The following FSTL4 variants were observed in gnomAD, a reference collection of about 807,000 sequenced individuals.
FSTL4 encodes follistatin-related protein 4.
FSTL4 carries 28 observed loss-of-function variants against 78.2 expected under a neutral mutation model. The ratio of observed to expected loss-of-function variants is 0.36; its 90% CI spans 0.27 to 0.49. The LOEUF (loss-of-function observed/expected upper bound fraction) is 0.49, where lower values mean the gene tolerates loss of function less well. Among genes scored for constraint, FSTL4 ranks in the 20% least tolerant of loss-of-function variants. The pLI is 0.98. For missense variants in FSTL4, 922 were observed against 1,084.9 expected, an observed-to-expected ratio of 0.85 and a Z score of 2.11; for synonymous variants, 422 against 440.5, an observed-to-expected ratio of 0.96 and a Z score of 0.53.
intron 3 of FSTL4, among the ~76,000 whole-genome samples, chr5:133,514,205 T>A (rs1165669717): frequency 6.8e-6 from 1 of 146,660 alleles, no homozygotes; most frequent in Admixed American, 6.9e-5. Flanking sequence ...ATAATAATAA[T>A]AATAATAATA....
At chr5:133,762,480 T>C in the FSTL4 span, among the ~76,000 whole-genome samples, 1 of 152,214 alleles carries the variant, frequency 6.6e-6, no homozygotes, top group African/African-American at 2.4e-5. Context: ...GAGAGGATCC[T>C]TAGAAACTAA....
At chr5:133,239,038 G>C (rs1034532332) in intron 7 of FSTL4, among the ~76,000 whole-genome samples, 1 of 152,216 alleles carries the variant, frequency 6.6e-6, no homozygotes, top group East Asian at 1.9e-4. Flanking sequence ...GTGGGCCAGC[G>C]TGAGTTTCGG....
the FSTL4 span, among the ~76,000 whole-genome samples, chr5:133,704,143 G>A: frequency 6.6e-5 from 10 of 152,192 alleles, no homozygotes; most frequent in Non-Finnish European, 1.3e-4. Context: ...ACTGGTAGCA[G>A]AGGGCCCTCT....
At chr5:133,624,780 G>T in the FSTL4 span, among the ~76,000 whole-genome samples, 1 of 150,712 alleles carries the variant, frequency 6.6e-6, no homozygotes, top group African/African-American at 2.4e-5. Context: ...AGCTATTCTT[G>T]GTCTTTTATC....
chr5:133,331,984 T>A (rs1350504060), intron 4 of FSTL4, among the ~76,000 whole-genome samples: 1 of 151,774 alleles, frequency 6.6e-6, no homozygotes, highest in Non-Finnish European at 1.5e-5. Context: ...AACGTGTGGG[T>A]TTTTCAACCT....
chr5:133,784,239 C>G, the FSTL4 span, among the ~76,000 whole-genome samples: 1 of 151,938 alleles, frequency 6.6e-6, no homozygotes, highest in African/African-American at 2.4e-5. Context: ...GTAGGGTATG[C>G]TTTAGTGAGA....
intron 7 of FSTL4, among the ~76,000 whole-genome samples, chr5:133,234,851 T>G (rs1431088825): frequency 6.6e-6 from 1 of 152,200 alleles, no homozygotes; most frequent in Non-Finnish European, 1.5e-5. Context: ...AAAATGCATG[T>G]GAGTGTATTT....
chr5:133,367,634 C>T (rs539943683), intron 4 of FSTL4, among the ~76,000 whole-genome samples: 9 of 152,322 alleles, frequency 5.9e-5, no homozygotes, highest in African/African-American at 1.2e-4. Flanking sequence ...AGCTTGGCCA[C>T]GCTCTCTCTC....
the FSTL4 span, among the ~76,000 whole-genome samples, chr5:133,789,194 G>C: frequency 3.3e-5 from 5 of 152,300 alleles, no homozygotes; most frequent in African/African-American, 1.2e-4. Context: ...GGTGGTGGGG[G>C]AAGGTTGGCC....
the FSTL4 span, among the ~76,000 whole-genome samples, chr5:133,719,143 T>C: frequency 6.6e-6 from 1 of 152,206 alleles, no homozygotes; most frequent in Non-Finnish European, 1.5e-5. Flanking sequence ...TAGTAATTAT[T>C]CTTACTTACA....
chr5:133,758,984 T>C, the FSTL4 span, among the ~76,000 whole-genome samples: 1 of 152,224 alleles, frequency 6.6e-6, no homozygotes, highest in Non-Finnish European at 1.5e-5. Flanking sequence ...CAAGTTCTTT[T>C]ATGACCTAGA....
the FSTL4 span, among the ~76,000 whole-genome samples, chr5:133,622,257 T>A: frequency 6.6e-6 from 1 of 152,246 alleles, no homozygotes; most frequent in Non-Finnish European, 1.5e-5. Context: ...GACTGAGTAG[T>A]ATTCCATGGT....
At chr5:133,360,760 T>C (rs559729692) in intron 4 of FSTL4, among the ~76,000 whole-genome samples, 1 of 152,342 alleles carries the variant, frequency 6.6e-6, no homozygotes, top group East Asian at 1.9e-4. Context: ...AGAGCGGCAA[T>C]GCATTACCCT....
chr5:133,424,343 C>T (rs563797044), intron 3 of FSTL4, among the ~76,000 whole-genome samples: 14 of 152,198 alleles, frequency 9.2e-5, no homozygotes, highest in Admixed American at 3.3e-4. Flanking sequence ...CTCCTGGGAC[C>T]GGCTGACAAT....
At chr5:133,302,829 C>T (rs1753577039) in intron 6 of FSTL4, among the ~76,000 whole-genome samples, 1 of 152,222 alleles carries the variant, frequency 6.6e-6, no homozygotes, top group African/African-American at 2.4e-5. Flanking sequence ...TCTCTGGGAA[C>T]TGCCACAACA....
chr5:133,312,552 C>T, intron 6 of FSTL4, 102 bp downstream of exon 6: 1 of 1,109,144 alleles, frequency 9.0e-7, no homozygotes, highest in South Asian at 1.4e-5. Context: ...TATAAGAAAC[C>T]AACCTGGGAG....
intron 4 of FSTL4, among the ~76,000 whole-genome samples, chr5:133,371,424 G>C (rs144110290): frequency 6.6e-6 from 1 of 152,324 alleles, no homozygotes; most frequent in Non-Finnish European, 1.5e-5. Flanking sequence ...AAACTCCCAG[G>C]ATGGGAAAAA....
chr5:133,834,763 A>G, the FSTL4 span, among the ~76,000 whole-genome samples: 1 of 152,142 alleles, frequency 6.6e-6, no homozygotes, highest in Non-Finnish European at 1.5e-5. Flanking sequence ...GGTGTTCTTG[A>G]CACAATTGAA....
At chr5:133,496,781 C>A (rs1428888329) in intron 3 of FSTL4, among the ~76,000 whole-genome samples, 2 of 152,170 alleles carry the variant, frequency 1.3e-5, no homozygotes, top group Admixed American at 1.3e-4. Context: ...AAACCACTTG[C>A]AACCAGGCTG....
Sources: gnomAD v4.1 joint callset for allele counts (sites outside exome capture counted in the v4.1 genomes callset) on GRCh38, gnomAD v4.1.1 for gene constraint, MANE v1.5 for transcripts, NCBI Gene and HGNC (gene_info 2026-07-23, HGNC 2026-07-21) for gene names.